RNF123: variants seen among roughly 807,000 people sequenced by gnomAD.
The protein encoded by RNF123 is E3 ubiquitin-protein ligase RNF123.
In RNF123, 86 loss-of-function variants were observed where a neutral mutation model predicts 168.5. The ratio of observed to expected loss-of-function variants is 0.51; its 90% CI spans 0.43 to 0.61. The LOEUF is 0.61. RNF123 is among the 20% of genes least tolerant of loss of function. The pLI, the probability that RNF123 is intolerant of heterozygous loss-of-function variation, is 0.00. For synonymous variants in RNF123, 666 were observed against 689.1 expected (o/e 0.97, Z 0.52); for missense variants, 1,419 against 1,729.7 (o/e 0.82, Z 3.19).
chr3:49,701,540 C>G lies in RNF123; in HGVS notation c.1327C>G (p.Arg443Gly), dbSNP rs146225272. The G allele has an allele frequency of 1.2e-6, 2 of 1,613,830 alleles. No individual in the cohort carries two copies. Among genetic ancestry groups the G allele is most frequent in the Non-Finnish European group, 8.5e-7 (1 of 1,180,018 alleles). ...VVFFYIKSPL[R>G]VEEAGLQELI... The stretch of plus-strand genomic sequence containing the variant: ...CTTCTTTTACATCAAGAGCCCCCTG[C>G]GTGTGGAGGAGGCCGGCCTGCAGGA... Residue 443 changes from arginine to glycine, a missense_variant, in exon 16 of 39, where the codon CGT becomes GGT. Transcript: ENST00000327697.
chr3:49,703,652 C>A, intron 21 of RNF123, 124 bp downstream of exon 21: 1 of 704,632 alleles, frequency 1.4e-6, no homozygotes, highest in Non-Finnish European at 2.4e-6. Context: ...TCTTTCCACC[C>A]ACTCAGGCAG....
intron 23 of RNF123, 68 bp downstream of exon 23, chr3:49,705,250 G>A (rs2054492540): frequency 6.6e-7 from 1 of 1,524,556 alleles, no homozygotes; most frequent in Middle Eastern, 1.7e-4. Flanking sequence ...CCCGATCCGG[G>A]CAAAGCCAAA....
rs760903631 is a variant in RNF123, at chr3:49,697,210, G to A, written c.235G>A (p.Glu79Lys). 2 of 1,614,112 alleles carry A rather than the reference G, an allele frequency of 1.2e-6. No individual in the cohort carries two copies. ...GTTGCTACAGGTGGACAATGAGGAG[G>A]AGGAAAGCCAGGGTATGTGGCCACC... Reference protein sequence around the residue: ...DQLLQVDNEEEESQGQVEGRL... With the variant: ...DQLLQVDNEEKESQGQVEGRL... Residue 79 changes from glutamate (E) to lysine (K), a missense_variant, in exon 4 of 39, where the codon GAG becomes AAG. Around this residue, in one of 5 missense-constraint regions of RNF123, gnomAD observed 318 missense variants for 446.6 expected, o/e 0.71. Coordinates refer to ENST00000327697, the MANE Select transcript of RNF123 (RefSeq NM_022064.5).
chr3:49,719,253 G>A (rs1221057060), intron 35 of RNF123: 4 of 1,613,308 alleles, frequency 2.5e-6, no homozygotes, highest in Non-Finnish European at 2.5e-6. Context: ...GCTGGAGCGC[G>A]TTGTGGCTCA....
At chr3:49,700,404 T>C in intron 13 of RNF123, 52 bp downstream of exon 13, 2 of 1,612,242 alleles carry the variant, frequency 1.2e-6, no homozygotes, top group Non-Finnish European at 1.7e-6. Context: ...TTCACTGGGG[T>C]CGGGAAGATA....
intron 3 of RNF123, among the ~76,000 whole-genome samples, chr3:49,695,811 TCACTCCCTG>T (rs1387765074): frequency 6.6e-6 from 1 of 152,172 alleles, no homozygotes; most frequent in Non-Finnish European, 1.5e-5. Flanking sequence ...TACCACCACC[TCACTCCCTG>T]CTATTCTTAG....
At chr3:49,718,236 G>T in intron 35 of RNF123, 1 of 1,611,852 alleles carries the variant, frequency 6.2e-7, no homozygotes, top group Non-Finnish European at 8.5e-7. Flanking sequence ...AGGCACGGCG[G>T]CAGCAGCGGC....
intron 16 of RNF123, 43 bp from the exon 17 acceptor site, chr3:49,701,768 T>G: frequency 6.5e-7 from 1 of 1,542,102 alleles, no homozygotes; most frequent in Non-Finnish European, 8.8e-7. Context: ...CCTGGCTAGG[T>G]CCCAGGTGAC....
In RNF123 at chr3:49,701,919, G is replaced by A. The variant is rs376984502; in HGVS notation, c.1495+9G>A. 2.0e-4 allele frequency: 315 copies of A among 1,559,100 alleles called. No individual in the cohort carries two copies. The highest frequency in any genetic ancestry group is 2.7e-4 in the Non-Finnish European group (306 of 1,151,146). On this transcript the variant is annotated intron_variant, in intron 17 of 38. Transcript: ENST00000327697. ...CAGGAAGCGCATCGAAGGTCAGCCC[G>A]CCTTGGGCACGGGGTAGGGTGGGAG...
intron 35 of RNF123, chr3:49,718,360 A>G: frequency 6.2e-7 from 1 of 1,613,390 alleles, no homozygotes; most frequent in Non-Finnish European, 8.5e-7. Flanking sequence ...GTGCACGCTC[A>G]CGTTGTACTC....
At position 49,715,890 on chromosome 3, in the gene RNF123, C is replaced by T. The variant is rs1444020843; in HGVS notation, c.3219C>T (p.Thr1073=). The T allele has an allele frequency of 1.9e-6, 3 of 1,614,122 alleles. No individual in the cohort carries two copies. Among genetic ancestry groups the T allele is most frequent in the Non-Finnish European group, 1.7e-6 (2 of 1,180,046 alleles). Residue 1073 remains threonine (T), a synonymous_variant, in exon 33 of 39, where the codon ACC becomes ACT. Coordinates refer to ENST00000327697, the MANE Select transcript of RNF123 (RefSeq NM_022064.5). ...VDSRQLKVCA[T]CFDLSVSLLR... is the part of the protein sequence containing the mutation. ...GCCGGCAGCTCAAGGTATGTGCCAC[C>T]TGCTTTGACCTCTCGGTCAGCCTGC... is the stretch of plus-strand genomic sequence containing the variant.
Position 49,700,529 on chromosome 3 carries a change from C to G in RNF123, c.1168C>G (p.Arg390Gly), listed in dbSNP as rs756933544. Reference sequence around the variant, plus strand: ...GATGATGTCTCTGCTTCGGCTGTACCGATTCTCACCCATTGTCCCAGACCT... The same window carrying G: ...GATGATGTCTCTGCTTCGGCTGTACGGATTCTCACCCATTGTCCCAGACCT... ...QLMMSLLRLYRFSPIVPDLGL... is the reference protein window; with the variant it reads ...QLMMSLLRLYGFSPIVPDLGL... The change falls in exon 14 of 39, where the codon CGA becomes GGA. Residue 390 changes from arginine (R) to glycine (G), a missense_variant. By Grantham distance (125) the Arg-to-Gly change is moderately radical. Coordinates refer to ENST00000327697, the MANE Select transcript of RNF123 (RefSeq NM_022064.5). 6.2e-7 allele frequency: 1 copy of G among 1,614,188 alleles called. No homozygotes were observed. Among genetic ancestry groups the G allele is most frequent in the South Asian group, 1.1e-5 (1 of 91,080 alleles).
chr3:49,715,719 G>A lies in RNF123; in HGVS notation c.3150+5G>A. On this transcript the variant is annotated splice_donor_5th_base_variant and intron_variant, in intron 32 of 38. Coordinates refer to ENST00000327697, the MANE Select transcript of RNF123 (RefSeq NM_022064.5). ...TTCATTGGCATGATCCAAGAGGTGG[G>A]CTGTGGTGGGGCCTCGTGGGTTAGG... 1 of 1,614,244 alleles carries A rather than the reference G, an allele frequency of 6.2e-7. No homozygotes were observed. Among genetic ancestry groups the A allele is most frequent in the Non-Finnish European group, 8.5e-7 (1 of 1,180,046 alleles).
rs767019354 is a variant in RNF123 at position 49,703,458 on chromosome 3, T to C, written c.1782T>C (p.Asn594=). Reference sequence around the variant, plus strand: ...ACATCCCGCCCCAGGTCTTCTATAATGGCAAGGTGGACTACTTTGACCTGC... The same window carrying C: ...ACATCCCGCCCCAGGTCTTCTATAACGGCAAGGTGGACTACTTTGACCTGC... The part of the protein sequence containing the change: ...EAYIPPQVFY[N]GKVDYFDLQR... The change falls in exon 21 of 39, where the codon AAT becomes AAC. Residue 594 remains asparagine (N), a synonymous_variant. Transcript: ENST00000327697. 8.7e-6 allele frequency: 14 copies of C among 1,613,900 alleles called. No homozygotes were observed. Among genetic ancestry groups the C allele is most frequent in the East Asian group, 2.2e-5 (1 of 44,870 alleles).
At chr3:49,715,751 C>A (rs552657042) in intron 32 of RNF123, 37 bp downstream of exon 32, 3 of 1,614,130 alleles carry the variant, frequency 1.9e-6, no homozygotes, top group East Asian at 2.2e-5. Flanking sequence ...TAGGGTGGTG[C>A]AAGGGATGAG....
chr3:49,700,604 G>A (rs775873810), intron 14 of RNF123, 32 bp from the exon 15 acceptor site: 8 of 1,613,958 alleles, frequency 5.0e-6, no homozygotes, highest in Non-Finnish European at 6.8e-6. Flanking sequence ...CCTGGGACTC[G>A]CCTGTCCACT....
In RNF123 at chr3:49,712,534, A is replaced by G; in HGVS notation, c.2552A>G (p.His851Arg). Residue 851 changes from histidine (H) to arginine (R), a missense_variant, in exon 27 of 39, where the codon CAC becomes CGC. Physicochemically the swap from His to Arg is conservative, Grantham distance 29. Around this residue, in one of 5 missense-constraint regions of RNF123, gnomAD observed 538 missense variants for 708.8 expected, o/e 0.76. Transcript: ENST00000327697. ...LLRVCLRTIE[H>R]GDRTGSLFAF... ...CGCGTCTGCCTGCGGACCATTGAGC[A>G]CGGTGATCGCACAGGGTCTCTCTTT... The G allele has an allele frequency of 6.2e-7, 1 of 1,614,196 alleles. No individual in the cohort carries two copies. Among genetic ancestry groups the G allele is most frequent in the East Asian group, 2.2e-5 (1 of 44,882 alleles).
chr3:49,721,143 T>C (rs951734658), intron 38 of RNF123, 38 bp downstream of exon 38: 1 of 1,614,036 alleles, frequency 6.2e-7, no homozygotes, highest in Non-Finnish European at 8.5e-7. Flanking sequence ...GGGAGAGCAG[T>C]AGGTACATGC....
At chr3:49,718,168 G>C (rs2080287983) in intron 35 of RNF123, 1 of 1,613,166 alleles carries the variant, frequency 6.2e-7, no homozygotes, top group Non-Finnish European at 8.5e-7. Flanking sequence ...GAGTACTGAG[G>C]ACTGTGCGCT....
Sources: allele counts gnomAD v4.1 joint callset (sites outside exome capture counted in the v4.1 genomes callset), GRCh38; gene constraint gnomAD v4.1.1; regional missense constraint gnomAD v4.1.1; transcripts MANE v1.5; gene names NCBI Gene and HGNC (gene_info 2026-07-23, HGNC 2026-07-21).